The following TCF20 variants were observed in gnomAD, a reference collection of about 807,000 sequenced individuals.
TCF20 encodes SPRE-binding protein.
TCF20 carries 3 observed loss-of-function variants against 148.6 expected under a neutral mutation model. That is an observed-to-expected ratio of 0.02 (90% CI 0.01 to 0.05). The LOEUF is 0.05. Ranked by LOEUF, TCF20 falls within the 10% of genes least tolerant of loss-of-function variation. The pLI is 1.00. For missense variants in TCF20, 2,350 were observed against 2,429.3 expected (o/e 0.97, Z 0.69); for synonymous variants, 1,049 against 909.5 (o/e 1.15, Z -2.76).
At chr22:42,219,408 C>A (rs1278046173) in intron 1 of TCF20, among the ~76,000 whole-genome samples, 1 of 118,984 alleles carries the variant, frequency 8.4e-6, no homozygotes, top group African/African-American at 3.0e-5. Flanking sequence ...CCAATTTTAT[C>A]CCATCATCTT....
rs2147046908 is a variant in TCF20, at chr22:42,317,502, C to T, written c.-37+25977G>A. Among the ~76,000 whole-genome samples, 1 of 152,292 alleles carries T rather than the reference C, an allele frequency of 6.6e-6. No homozygotes were observed. The highest frequency in any genetic ancestry group is 2.4e-5 in the African/African-American group (1 of 41,564). ...CACCTAGGCCCTTCCCCAGTGTCAC[C>T]TCATTACCCACTCACTACCTGGTAC... On this transcript the variant is annotated intron_variant, in intron 1 of 1. Transcript: ENST00000515426. This position sits in a 1 kb window ranked among gnomAD's most constrained non-coding sequence, Gnocchi z 4.2.
intron 3 of TCF20, 33 bp downstream of exon 3, chr22:42,179,576 T>C (rs755362960): frequency 5.5e-5 from 81 of 1,460,462 alleles, no homozygotes; most frequent in Non-Finnish European, 7.1e-5. Flanking sequence ...ATCCTTTGGA[T>C]GCTCTGGACA....
chr22:42,330,422 C>T (rs1601709329), intron 1 of TCF20, among the ~76,000 whole-genome samples: 1 of 152,140 alleles, frequency 6.6e-6, no homozygotes, highest in Non-Finnish European at 1.5e-5. Flanking sequence ...CGCTGTTCCT[C>T]CTGCCTGCAA....
intron 1 of TCF20, among the ~76,000 whole-genome samples, chr22:42,294,116 C>A (rs949957241): frequency 6.6e-6 from 1 of 152,166 alleles, no homozygotes; most frequent in African/African-American, 2.4e-5. Context: ...GAAGTGGGAA[C>A]ATCCCCGCAG....
chr22:42,163,760 G>A (rs1181887260), intron 5 of TCF20, among the ~76,000 whole-genome samples: 4 of 152,194 alleles, frequency 2.6e-5, no homozygotes, highest in African/African-American at 9.7e-5. Context: ...CTGAGCAGCA[G>A]GAGCGACCTG....
intron 3 of TCF20, among the ~76,000 whole-genome samples, chr22:42,173,082 C>T (rs1277494282): frequency 1.3e-5 from 2 of 151,518 alleles, no homozygotes; most frequent in African/African-American, 4.9e-5. Context: ...GCAACGAGAG[C>T]TGCAGAAAGT....
intron 1 of TCF20, among the ~76,000 whole-genome samples, chr22:42,314,948 C>T (rs1927603101): frequency 6.6e-6 from 1 of 152,216 alleles, no homozygotes; most frequent in East Asian, 1.9e-4. Flanking sequence ...AGCCTCCTGG[C>T]CCAAAGTCTT....
chr22:42,239,742 G>A (rs1924228491), intron 1 of TCF20, among the ~76,000 whole-genome samples: 1 of 152,134 alleles, frequency 6.6e-6, no homozygotes, highest in African/African-American at 2.4e-5. Flanking sequence ...AGCCGAGATG[G>A]CGCCACTTCA....
intron 1 of TCF20, among the ~76,000 whole-genome samples, chr22:42,306,100 G>A (rs972694386): frequency 1.3e-5 from 2 of 152,248 alleles, no homozygotes; most frequent in South Asian, 2.1e-4. Context: ...CGCAGGCAGC[G>A]TGGACTGAGT....
intron 1 of TCF20, among the ~76,000 whole-genome samples, chr22:42,255,652 A>G (rs1330474733): frequency 2.0e-5 from 3 of 152,154 alleles, no homozygotes; most frequent in Admixed American, 6.5e-5. Flanking sequence ...ACCAATTGCT[A>G]AATTTTACAG....
intron 1 of TCF20, among the ~76,000 whole-genome samples, chr22:42,289,037 A>G (rs748262941): frequency 6.6e-6 from 1 of 152,212 alleles, no homozygotes; most frequent in Non-Finnish European, 1.5e-5. Flanking sequence ...CCTGGCATTC[A>G]GTGCTTCCAT....
chr22:42,182,867 G>A (rs1375443853), intron 2 of TCF20, among the ~76,000 whole-genome samples: 2 of 152,164 alleles, frequency 1.3e-5, no homozygotes, highest in African/African-American at 4.8e-5. Context: ...TTCCCAAGTA[G>A]CTAGGATTAC....
intron 1 of TCF20, among the ~76,000 whole-genome samples, chr22:42,340,306 G>T (rs982518809): frequency 3.3e-5 from 5 of 152,208 alleles, no homozygotes; most frequent in African/African-American, 1.2e-4. Context: ...TTGTGCAAGA[G>T]CCTGTTCTGG....
chr22:42,333,478 A>G (rs1286312694), intron 1 of TCF20, among the ~76,000 whole-genome samples: 2 of 152,290 alleles, frequency 1.3e-5, no homozygotes, highest in African/African-American at 2.4e-5. Flanking sequence ...CCACTGCACC[A>G]TGAACGCAAG....
At chr22:42,321,237 C>T (rs1927727832) in intron 1 of TCF20, among the ~76,000 whole-genome samples, 1 of 152,190 alleles carries the variant, frequency 6.6e-6, no homozygotes, top group Non-Finnish European at 1.5e-5. Flanking sequence ...CATGAGGGAA[C>T]GCCTGGCACC....
intron 1 of TCF20, among the ~76,000 whole-genome samples, chr22:42,262,629 T>A (rs1413663409): frequency 6.6e-6 from 1 of 151,842 alleles, no homozygotes; most frequent in Non-Finnish European, 1.5e-5. Flanking sequence ...AGATCAGAGA[T>A]CACCGAGGGA....
intron 1 of TCF20, among the ~76,000 whole-genome samples, chr22:42,333,601 G>A (rs1176383892): frequency 2.0e-5 from 3 of 152,246 alleles, no homozygotes; most frequent in African/African-American, 7.2e-5. Context: ...AGGGGTAAAG[G>A]TGTAAAAACC....
chr22:42,264,805 C>A (rs1260525654), intron 1 of TCF20, among the ~76,000 whole-genome samples: 1 of 152,210 alleles, frequency 6.6e-6, no homozygotes, highest in Non-Finnish European at 1.5e-5. Context: ...TGCCCACCAT[C>A]ACATTTCCCA....
At chr22:42,254,038 T>C (rs564201594) in intron 1 of TCF20, among the ~76,000 whole-genome samples, 86 of 141,720 alleles carry the variant, frequency 6.1e-4, no homozygotes, top group African/African-American at 2.0e-3. Flanking sequence ...ATCGTGCCAT[T>C]GCACTCCAGC....
Sources: allele counts gnomAD v4.1 joint callset (sites outside exome capture counted in the v4.1 genomes callset), GRCh38; gene constraint gnomAD v4.1.1; non-coding constraint Gnocchi (gnomAD v3.1); transcripts MANE v1.5; gene names NCBI Gene and HGNC (gene_info 2026-07-23, HGNC 2026-07-21).